Variants in ADK observed in about 807,000 individuals in gnomAD.
The protein encoded by ADK is N6,N6-dimethyladenosine kinase.
ADK carries 24 observed loss-of-function variants against 44.7 expected under a neutral mutation model. The ratio of observed to expected loss-of-function variants is 0.54; its 90% CI spans 0.39 to 0.76. The LOEUF (loss-of-function observed/expected upper bound fraction) is 0.76. ADK is among the 30% of genes least tolerant of loss of function. The pLI, the probability that ADK is intolerant of heterozygous loss-of-function variation, is 0.00. For missense variants in ADK, 321 were observed against 425.1 expected, an observed-to-expected ratio of 0.76 and a Z score of 2.15; for synonymous variants, 128 against 142.6, an observed-to-expected ratio of 0.90 and a Z score of 0.73.
intron 1 of ADK, chr10:74,176,967 C>T (rs1341657809): frequency 1.3e-6 from 2 of 1,580,022 alleles, no homozygotes; most frequent in Non-Finnish European, 1.7e-6. Flanking sequence ...CTCCTTCTCG[C>T]GGGTGGTCTG....
At chr10:74,421,819 G>A (rs1315346261) in intron 6 of ADK, among the ~76,000 whole-genome samples, 3 of 152,152 alleles carry the variant, frequency 2.0e-5, no homozygotes, top group Non-Finnish European at 2.9e-5. Context: ...AGTGGCCGTA[G>A]CTGGAATAAT....
At chr10:74,279,696 C>A (rs972255346) in intron 3 of ADK, among the ~76,000 whole-genome samples, 3 of 151,784 alleles carry the variant, frequency 2.0e-5, no homozygotes, top group African/African-American at 7.2e-5. Flanking sequence ...TTTCATCTTA[C>A]CTCGAATTTT....
chr10:74,199,719 G>A (rs1239720895), intron 1 of ADK, among the ~76,000 whole-genome samples: 5 of 151,564 alleles, frequency 3.3e-5, no homozygotes, highest in South Asian at 2.1e-4. Flanking sequence ...TCGCTCTGTC[G>A]CCCAGGCTGG....
chr10:74,339,818 A>G (rs984420324), intron 4 of ADK, among the ~76,000 whole-genome samples: 1 of 152,200 alleles, frequency 6.6e-6, no homozygotes, highest in Non-Finnish European at 1.5e-5. Flanking sequence ...CCTAGGTACA[A>G]GATCAATTAC....
chr10:74,616,922 T>C (rs1338872974), intron 9 of ADK, among the ~76,000 whole-genome samples: 1 of 152,130 alleles, frequency 6.6e-6, no homozygotes, highest in African/African-American at 2.4e-5. Flanking sequence ...AAAGGTCTTG[T>C]ATATGTATCT....
chr10:74,328,169 G>A (rs979148108), intron 4 of ADK, among the ~76,000 whole-genome samples: 6 of 152,100 alleles, frequency 3.9e-5, no homozygotes, highest in South Asian at 4.1e-4. Flanking sequence ...TCGGCCTCCC[G>A]AAGTGCTGGG....
At chr10:74,305,054 C>T (rs944299194) in intron 3 of ADK, among the ~76,000 whole-genome samples, 10 of 152,152 alleles carry the variant, frequency 6.6e-5, no homozygotes, top group African/African-American at 2.4e-4. Context: ...CATATCCTCC[C>T]ATGTACTTTA....
At chr10:74,609,264 G>A (rs565173891) in intron 9 of ADK, among the ~76,000 whole-genome samples, 7 of 152,152 alleles carry the variant, frequency 4.6e-5, no homozygotes, top group African/African-American at 9.7e-5. Context: ...TCTCGCTGGC[G>A]TTCCACACGC....
At chr10:74,384,066 C>T (rs184789577) in intron 4 of ADK, among the ~76,000 whole-genome samples, 1 of 152,248 alleles carries the variant, frequency 6.6e-6, no homozygotes, top group Admixed American at 6.5e-5. Flanking sequence ...GACTAAGGTG[C>T]TACTTGCATG....
At chr10:74,221,664 A>G (rs1489251360) in intron 2 of ADK, among the ~76,000 whole-genome samples, 1 of 147,438 alleles carries the variant, frequency 6.8e-6, no homozygotes, top group Non-Finnish European at 1.5e-5. Flanking sequence ...TACTGGTACC[A>G]AAACAGAGAT....
rs533045110 is a variant in ADK, at chr10:74,685,972, T to C, written c.964+15703T>C. Among the ~76,000 whole-genome samples the C allele has an allele frequency of 8.6e-5, 13 of 151,758 alleles. No individual in the cohort carries two copies. The South Asian group carries it at 2.7e-3, about 32-fold the overall frequency. On this transcript the variant is annotated intron_variant, in intron 10 of 10. Transcript: ENST00000539909. ...GGGGTTTTTTGTTTGTTTGTTTTGG[T>C]TTTTTTTGAGGTGGTGTCTCGCTCT...
chr10:74,629,847 A>G (rs1853347636), intron 9 of ADK, among the ~76,000 whole-genome samples: 1 of 152,204 alleles, frequency 6.6e-6, no homozygotes, highest in African/African-American at 2.4e-5. Flanking sequence ...ATCAGCTGGT[A>G]CATCTTAGAA....
At chr10:74,176,222 C>G (rs1269188901) in intron 1 of ADK, among the ~76,000 whole-genome samples, 1 of 152,174 alleles carries the variant, frequency 6.6e-6, no homozygotes, top group Non-Finnish European at 1.5e-5. Context: ...TTGGGACCAT[C>G]AGATCCAGCA....
intron 3 of ADK, among the ~76,000 whole-genome samples, chr10:74,313,667 C>T (rs989723459): frequency 2.0e-5 from 3 of 151,376 alleles, no homozygotes; most frequent in African/African-American, 7.3e-5. Flanking sequence ...TGTAAAACTG[C>T]TTGATGTTTG....
rs375835861 is a variant in ADK at position 74,620,031 on chromosome 10, GT to G, written c.877+19542del. Among the ~76,000 whole-genome samples the G allele has an allele frequency of 1.3e-3, 204 of 152,282 alleles. 2 individuals are homozygous for G. Among genetic ancestry groups the G allele is most frequent in the African/African-American group, 4.7e-3 (195 of 41,568 alleles). On this transcript the variant is annotated intron_variant, in intron 9 of 10. Coordinates refer to ENST00000539909, the MANE Select transcript of ADK (RefSeq NM_006721.4). Reference sequence around the variant, plus strand: ...GCCACAACACCCTGCCCATCGTGATGTTTTGATACATATAATGTATGGTGAT... The same window carrying G: ...GCCACAACACCCTGCCCATCGTGATGTTTGATACATATAATGTATGGTGAT...
Position 74,581,865 on chromosome 10 carries a change from G to T in ADK, c.727-7417G>T, listed in dbSNP as rs567201558. Reference sequence around the variant, plus strand: ...ACAAAAGCAGAATACTTTTTCAGACGTATAAAACCTGAAAGAGTTCATCAG... The same window carrying T: ...ACAAAAGCAGAATACTTTTTCAGACTTATAAAACCTGAAAGAGTTCATCAG... On this transcript the variant is annotated intron_variant, in intron 7 of 10. Coordinates refer to ENST00000539909, the MANE Select transcript of ADK (RefSeq NM_006721.4). 3.3e-5 allele frequency among the ~76,000 whole-genome samples: 5 copies of T among 152,230 alleles called. 1 individual carries two copies. Among genetic ancestry groups the T allele is most frequent in the African/African-American group, 1.2e-4 (5 of 41,542 alleles).
chr10:74,161,312 C>G (rs1000408453), intron 1 of ADK, among the ~76,000 whole-genome samples: 1 of 152,120 alleles, frequency 6.6e-6, no homozygotes, highest in Non-Finnish European at 1.5e-5. Context: ...AGCAATTCTC[C>G]TGCCTCAGCC....
At chr10:74,239,477 G>A (rs557832851) in intron 3 of ADK, among the ~76,000 whole-genome samples, 175 of 152,050 alleles carry the variant, frequency 1.2e-3, no homozygotes, top group Non-Finnish European at 1.4e-3. Context: ...TGGGGTGGTC[G>A]AAGCCAGTGG....
intron 4 of ADK, among the ~76,000 whole-genome samples, chr10:74,393,468 GA>G (rs1564695638): frequency 3.3e-5 from 5 of 152,060 alleles, no homozygotes; most frequent in Non-Finnish European, 7.4e-5. Flanking sequence ...CACTATTTCT[GA>G]ATTTTTAAAA....
Sources: gnomAD v4.1 joint callset for allele counts (sites outside exome capture counted in the v4.1 genomes callset) on GRCh38, gnomAD v4.1.1 for gene constraint, MANE v1.5 for transcripts, NCBI Gene and HGNC (gene_info 2026-07-23, HGNC 2026-07-21) for gene names.